The following ZBTB20 variants were observed in gnomAD, a reference collection of about 807,000 sequenced individuals.
The protein encoded by ZBTB20 is zinc finger and BTB domain containing 20, also known as zinc finger and BTB domain-containing protein 20.
In ZBTB20, 9 loss-of-function variants were observed where a neutral mutation model predicts 56.9. That is an observed-to-expected ratio of 0.16 (90% CI 0.10 to 0.28). ZBTB20 has a LOEUF of 0.28. ZBTB20 is among the 10% of genes least tolerant of loss of function. The pLI, the probability that ZBTB20 is intolerant of heterozygous loss-of-function variation, is 1.00. For synonymous variants in ZBTB20, 417 were observed against 420.7 expected (o/e 0.99, Z 0.11); for missense variants, 655 against 1,003.0 (o/e 0.65, Z 4.69).
chr3:115,030,506 T>G (rs933310669), intron 2 of ZBTB20, among the ~76,000 whole-genome samples: 1 of 151,266 alleles, frequency 6.6e-6, no homozygotes, highest in Non-Finnish European at 1.5e-5. Flanking sequence ...ATCTGTCAAT[T>G]AGTACACATT....
intron 8 of ZBTB20, among the ~76,000 whole-genome samples, chr3:114,382,954 T>C (rs2084568047): frequency 1.3e-5 from 2 of 152,224 alleles, no homozygotes; most frequent in Admixed American, 1.3e-4. Context: ...TACTGCCTTG[T>C]CTATACTATT....
At chr3:114,697,994 G>A (rs2063151071) in intron 5 of ZBTB20, among the ~76,000 whole-genome samples, 1 of 152,128 alleles carries the variant, frequency 6.6e-6, no homozygotes, top group South Asian at 2.1e-4. Flanking sequence ...GTTCTAATGT[G>A]TCAAATTACT....
chr3:114,375,121 ACAG>A (rs1423472630), intron 10 of ZBTB20, among the ~76,000 whole-genome samples: 2 of 152,250 alleles, frequency 1.3e-5, no homozygotes, highest in African/African-American at 4.8e-5. Context: ...GAAATACACA[ACAG>A]GAGACAGAAT....
intron 6 of ZBTB20, among the ~76,000 whole-genome samples, chr3:114,680,910 T>C (rs564638078): frequency 9.2e-5 from 14 of 152,288 alleles, no homozygotes; most frequent in African/African-American, 3.4e-4. Flanking sequence ...TGTCTCACAC[T>C]AATGCATGAG....
At chr3:115,045,419 G>C (rs775539399) in intron 2 of ZBTB20, among the ~76,000 whole-genome samples, 3 of 151,946 alleles carry the variant, frequency 2.0e-5, no homozygotes, top group African/African-American at 7.2e-5. Flanking sequence ...TTATAAGTAA[G>C]ATGCTGATTT....
chr3:114,787,331 TTATATATATATATA>T lies in ZBTB20; in HGVS notation c.-343+13756_-343+13769del, dbSNP rs138181405. Among the ~76,000 whole-genome samples the T allele has an allele frequency of 7.7e-3, 779 of 100,560 alleles. 28 individuals carry two copies. The highest frequency in any genetic ancestry group is 0.038 in the African/African-American group (730 of 19,158). 66.0% of individuals were successfully genotyped at this position (100,560 alleles called of 152,430 possible). ...AGTGAAAGAAGCCAGTCTTAAAAGG[TTATATATATATATA>T]TATATATATATATATATATATATAC... On this transcript the variant is annotated intron_variant, in intron 5 of 11. Transcript: ENST00000675478.
chr3:114,982,645 A>G (rs1407519323), intron 2 of ZBTB20, among the ~76,000 whole-genome samples: 3 of 152,092 alleles, frequency 2.0e-5, no homozygotes, highest in Non-Finnish European at 4.4e-5. Context: ...TACCAGTGAG[A>G]CACAAGTATA....
intron 10 of ZBTB20, among the ~76,000 whole-genome samples, chr3:114,370,627 T>G (rs2082891263): frequency 6.6e-6 from 1 of 152,134 alleles, no homozygotes; most frequent in African/African-American, 2.4e-5. Flanking sequence ...AGGTTTTGCT[T>G]TCCTTTTTTC....
At chr3:114,857,492 T>C (rs1308389404) in intron 4 of ZBTB20, among the ~76,000 whole-genome samples, 3 of 152,174 alleles carry the variant, frequency 2.0e-5, no homozygotes, top group Non-Finnish European at 2.9e-5. Context: ...TATTAAGCAC[T>C]GGAACAGGGC....
intron 4 of ZBTB20, among the ~76,000 whole-genome samples, chr3:114,888,902 C>T (rs1185809301): frequency 1.3e-5 from 2 of 152,010 alleles, no homozygotes; most frequent in African/African-American, 4.8e-5. Context: ...TTTTTATGTA[C>T]TTACACTTAA....
chr3:114,707,074 C>G (rs374925980), intron 5 of ZBTB20, among the ~76,000 whole-genome samples: 109 of 152,230 alleles, frequency 7.2e-4, no homozygotes, highest in African/African-American at 2.6e-3. Context: ...ATAAATCCTG[C>G]TATCCCAATA....
chr3:114,785,921 A>C (rs2070450818), intron 5 of ZBTB20, among the ~76,000 whole-genome samples: 1 of 152,106 alleles, frequency 6.6e-6, no homozygotes, highest in African/African-American at 2.4e-5. Flanking sequence ...CCTTTGACGA[A>C]CTTCTCCTGA....
chr3:114,957,375 G>C (rs1421232584), intron 3 of ZBTB20, among the ~76,000 whole-genome samples: 3 of 152,138 alleles, frequency 2.0e-5, no homozygotes, highest in Admixed American at 6.5e-5. Context: ...CTAGAGGATA[G>C]AATGGAAAAT....
chr3:114,697,841 T>C (rs1196822679), intron 5 of ZBTB20, among the ~76,000 whole-genome samples: 2 of 152,100 alleles, frequency 1.3e-5, no homozygotes, highest in African/African-American at 4.8e-5. Flanking sequence ...ACAGTTCTAA[T>C]GACTGGAATA....
At chr3:114,402,757 G>A (rs2086935038) in intron 7 of ZBTB20, among the ~76,000 whole-genome samples, 1 of 152,174 alleles carries the variant, frequency 6.6e-6, no homozygotes, top group African/African-American at 2.4e-5. Flanking sequence ...AGACACAACA[G>A]TTTTCTTCAC....
chr3:114,875,123 G>A (rs1354056), intron 4 of ZBTB20, among the ~76,000 whole-genome samples: 37,164 of 151,836 alleles, frequency 0.24, 4,987 homozygotes, highest in Middle Eastern at 0.31. Context: ...GCCATTCACC[G>A]CCAGCACCTC....
intron 1 of ZBTB20, among the ~76,000 whole-genome samples, chr3:115,078,194 T>A (rs1259507922): frequency 6.6e-6 from 1 of 152,184 alleles, no homozygotes; most frequent in Non-Finnish European, 1.5e-5. Context: ...ATATAACTAA[T>A]CTTGTTATTT....
At chr3:114,709,431 T>C (rs1047893878) in intron 5 of ZBTB20, among the ~76,000 whole-genome samples, 1 of 152,068 alleles carries the variant, frequency 6.6e-6, no homozygotes, top group African/African-American at 2.4e-5. Context: ...GGCTGAAAAT[T>C]TAGGCAGAGA....
intron 7 of ZBTB20, among the ~76,000 whole-genome samples, chr3:114,426,858 T>G (rs1052618644): frequency 6.6e-6 from 1 of 152,246 alleles, no homozygotes; most frequent in Non-Finnish European, 1.5e-5. Context: ...ATAAATTATT[T>G]TGATGGCAGC....
Sources: allele counts gnomAD v4.1 joint callset (sites outside exome capture counted in the v4.1 genomes callset), GRCh38; gene constraint gnomAD v4.1.1; transcripts MANE v1.5; gene names NCBI Gene and HGNC (gene_info 2026-07-23, HGNC 2026-07-21).